CCDC83: variants seen among roughly 807,000 people sequenced by gnomAD.
The protein encoded by CCDC83 is coiled-coil domain containing 83.
In CCDC83, 54 loss-of-function variants were observed where a neutral mutation model predicts 50.1. The observed-to-expected ratio is 1.08, with a 90% CI of 0.87 to 1.35. The LOEUF (loss-of-function observed/expected upper bound fraction) is 1.35. Among genes scored for constraint, CCDC83 ranks in the 40% most tolerant of loss-of-function variants. CCDC83 has a pLI of 0.00. For missense variants in CCDC83, 518 were observed against 473.9 expected (o/e 1.09, Z -0.86); for synonymous variants, 161 against 153.3 (o/e 1.05, Z -0.37).
rs1465807324 is a variant in CCDC83, at chr11:85,919,709, C to T, written c.*199C>T. The T allele has an allele frequency of 1.9e-5, 10 of 526,510 alleles. No individual in the cohort carries two copies. The highest frequency in any genetic ancestry group is 1.7e-4 in the East Asian group (5 of 29,844). 32.6% of individuals were successfully genotyped at this position (526,510 alleles called of 1,614,324 possible). Reference sequence around the variant, plus strand: ...GGTATGAGTGACCAAAACGGAAGCACGCTTTGTATTTCTACACTGAAGTAT... The same window carrying T: ...GGTATGAGTGACCAAAACGGAAGCATGCTTTGTATTTCTACACTGAAGTAT... On this transcript the variant is annotated 3_prime_UTR_variant, in exon 11 of 11. Transcript: ENST00000342404.
intron 8 of CCDC83, 68 bp downstream of exon 8, chr11:85,911,470 T>TAAAA: frequency 7.5e-7 from 1 of 1,328,716 alleles, no homozygotes; most frequent in South Asian, 1.6e-5. Context: ...GTTGTTTTTT[T>TAAAA]AAAACAAAAA....
In CCDC83 at chr11:85,866,067, G is replaced by A. The variant is rs373686271; in HGVS notation, c.95+849G>A. Among the ~76,000 whole-genome samples the A allele has an allele frequency of 2.2e-3, 339 of 152,120 alleles. 3 individuals are homozygous for A. Among genetic ancestry groups the A allele is most frequent in the African/African-American group, 7.9e-3 (327 of 41,472 alleles). ...AAAATTTTATAATGTCTCACTCCTA[G>A]GAGCTGGAGACAAAACCATGGGTAA... On this transcript the variant is annotated intron_variant, in intron 2 of 10. Coordinates refer to ENST00000342404, the MANE Select transcript of CCDC83 (RefSeq NM_001286159.2).
chr11:85,890,848 G>C (rs189814437), intron 5 of CCDC83, among the ~76,000 whole-genome samples: 39 of 152,282 alleles, frequency 2.6e-4, no homozygotes, highest in Admixed American at 1.6e-3. Context: ...TTACTCATTG[G>C]AGGACCTTTT....
intron 2 of CCDC83, among the ~76,000 whole-genome samples, chr11:85,866,098 A>G (rs1444248001): frequency 6.6e-6 from 1 of 152,218 alleles, no homozygotes; most frequent in Non-Finnish European, 1.5e-5. Flanking sequence ...GGTAACATTT[A>G]TTCCATATTT....
chr11:85,890,413 T>A (rs912263027), intron 5 of CCDC83, among the ~76,000 whole-genome samples: 4 of 151,834 alleles, frequency 2.6e-5, no homozygotes, highest in Admixed American at 2.6e-4. Context: ...CGGTGATAGG[T>A]CCCCAACAGA....
chr11:85,915,390 CAG>C, intron 8 of CCDC83, 27 bp from the exon 9 acceptor site: 1 of 1,502,438 alleles, frequency 6.7e-7, no homozygotes, highest in Non-Finnish European at 9.2e-7. Context: ...TATTGACTGA[CAG>C]ATTGTTTTTC....
rs1176233647 is a variant in CCDC83, at chr11:85,880,043, C to T, written c.181-2470C>T. On this transcript the variant is annotated intron_variant, in intron 3 of 10. Transcript: ENST00000342404. The stretch of plus-strand genomic sequence containing the variant: ...GTCTTGAAATAAGGTAAATTAATTC[C>T]TCTTACTTTATTCTTGTTTTTCAAA... Among the ~76,000 whole-genome samples the T allele has an allele frequency of 9.9e-5, 15 of 152,152 alleles. No homozygotes were observed. The East Asian group carries it at 2.9e-3, about 29-fold the overall frequency.
chr11:85,869,825 A>G (rs1235661626), intron 2 of CCDC83, among the ~76,000 whole-genome samples: 1 of 152,248 alleles, frequency 6.6e-6, no homozygotes, highest in African/African-American at 2.4e-5. Flanking sequence ...GTTAAGCTTC[A>G]TCTGCTTCCT....
chr11:85,855,668 A>C (rs575063241), intron 1 of CCDC83, 84 bp downstream of exon 1: 1 of 152,352 alleles, frequency 6.6e-6, no homozygotes, highest in East Asian at 1.9e-4. Flanking sequence ...CATTCTTATG[A>C]GGCTTTATCA....
intron 3 of CCDC83, among the ~76,000 whole-genome samples, chr11:85,878,902 G>A (rs2093283400): frequency 1.3e-5 from 2 of 152,050 alleles, no homozygotes; most frequent in South Asian, 4.2e-4. Flanking sequence ...TCTTAGTGTG[G>A]TTTTAATTTG....
chr11:85,877,545 A>G (rs955881721), intron 3 of CCDC83, among the ~76,000 whole-genome samples: 4 of 152,174 alleles, frequency 2.6e-5, no homozygotes, highest in Non-Finnish European at 5.9e-5. Flanking sequence ...AAGAATAGTC[A>G]TTGTGTTAAA....
At chr11:85,909,286 C>T (rs913896970) in intron 7 of CCDC83, among the ~76,000 whole-genome samples, 4 of 152,348 alleles carry the variant, frequency 2.6e-5, no homozygotes, top group African/African-American at 4.8e-5. Context: ...CTCAGTTACA[C>T]TCTTGGCAGC....
Position 85,867,907 on chromosome 11 carries a change from C to T in CCDC83, c.95+2689C>T, listed in dbSNP as rs149918428. 6.0e-3 allele frequency among the ~76,000 whole-genome samples: 915 copies of T among 152,310 alleles called. 4 individuals carry two copies. Among genetic ancestry groups the T allele is most frequent in the Admixed American group, 0.012 (180 of 15,302 alleles). On this transcript the variant is annotated intron_variant, in intron 2 of 10. Transcript: ENST00000342404. ...CTGGAACAGCCAAGGCCTTGCTGTA[C>T]CATGCTCTACTGATGACAGTTTATG...
intron 1 of CCDC83, among the ~76,000 whole-genome samples, chr11:85,863,563 T>C (rs2093189850): frequency 6.6e-6 from 1 of 152,218 alleles, no homozygotes; most frequent in African/African-American, 2.4e-5. Context: ...AGTGCAAACT[T>C]GGTTAGAAAA....
chr11:85,907,954 GT>G (rs997323731), intron 7 of CCDC83, among the ~76,000 whole-genome samples: 2 of 151,874 alleles, frequency 1.3e-5, no homozygotes, highest in Admixed American at 6.6e-5. Flanking sequence ...TCTAACTATA[GT>G]TTTTTTTCCT....
rs752424539 is a variant in CCDC83 at position 85,916,246 on chromosome 11, A to T, written c.1080+13A>T. The stretch of plus-strand genomic sequence containing the variant: ...GAAGGATTTCAAGGTAAGATTCATA[A>T]CAACACAACTTTGACTACTAAGAAA... On this transcript the variant is annotated intron_variant, in intron 10 of 10. Coordinates refer to ENST00000342404, the MANE Select transcript of CCDC83 (RefSeq NM_001286159.2). The T allele has an allele frequency of 1.1e-5, 17 of 1,554,808 alleles. No individual in the cohort carries two copies. The highest frequency in any genetic ancestry group is 1.4e-5 in the African/African-American group (1 of 73,330).
chr11:85,911,485 T>C, intron 8 of CCDC83, 83 bp downstream of exon 8: 1 of 1,184,878 alleles, frequency 8.4e-7, no homozygotes, highest in Non-Finnish European at 1.2e-6. Context: ...CAAAAAAAGA[T>C]GATTTAATTA....
At chr11:85,861,327 G>A (rs2093175042) in intron 1 of CCDC83, among the ~76,000 whole-genome samples, 1 of 152,092 alleles carries the variant, frequency 6.6e-6, no homozygotes, top group African/African-American at 2.4e-5. Flanking sequence ...ACTTTTATTA[G>A]CCTTACAGTT....
intron 1 of CCDC83, 22 bp downstream of exon 1, chr11:85,855,606 C>T (rs1357614066): frequency 1.3e-5 from 2 of 152,362 alleles, no homozygotes; most frequent in Non-Finnish European, 2.9e-5. Flanking sequence ...TCACGGTGCC[C>T]TCACACAGCC....
Sources: gnomAD v4.1 joint callset for allele counts (sites outside exome capture counted in the v4.1 genomes callset) on GRCh38, gnomAD v4.1.1 for gene constraint, MANE v1.5 for transcripts, NCBI Gene and HGNC (gene_info 2026-07-23, HGNC 2026-07-21) for gene names.